The following KHDRBS2 variants were observed in gnomAD, a reference collection of about 807,000 sequenced individuals.
KHDRBS2 encodes the protein KH domain-containing, RNA-binding, signal transduction-associated protein 2.
Under a neutral mutation model 44.3 loss-of-function variants are expected in KHDRBS2, and 26 were observed. That is an observed-to-expected ratio of 0.59 (90% confidence interval 0.43 to 0.81). The LOEUF (loss-of-function observed/expected upper bound fraction) is 0.81. Ranked by LOEUF, KHDRBS2 falls within the 40% of genes least tolerant of loss-of-function variation. The probability of loss-of-function intolerance (pLI) is 0.00; values close to 1 mark genes in which losing one functional copy is unlikely to be tolerated. For missense variants in KHDRBS2, 476 were observed against 433.1 expected (o/e 1.10, Z -0.88); for synonymous variants, 194 against 151.1 (o/e 1.28, Z -2.08).
chr6:61,756,753 C>T (rs1778551048), intron 6 of KHDRBS2, among the ~76,000 whole-genome samples: 1 of 152,214 alleles, frequency 6.6e-6, no homozygotes, highest in Non-Finnish European at 1.5e-5. Flanking sequence ...TAGGTGCAAA[C>T]TAGTGTGTAG....
At chr6:61,936,030 T>C (rs1198016612) in intron 4 of KHDRBS2, among the ~76,000 whole-genome samples, 1 of 152,114 alleles carries the variant, frequency 6.6e-6, no homozygotes, top group Non-Finnish European at 1.5e-5. Flanking sequence ...TCTATCTCTA[T>C]TCTATCATCT....
chr6:62,142,657 C>T (rs921159267), intron 2 of KHDRBS2, among the ~76,000 whole-genome samples: 2 of 151,876 alleles, frequency 1.3e-5, no homozygotes, highest in Admixed American at 1.3e-4. Flanking sequence ...TACTTTAAGT[C>T]CCGATGAATA....
chr6:62,282,102 A>G (rs1841888767), intron 1 of KHDRBS2, among the ~76,000 whole-genome samples: 1 of 152,178 alleles, frequency 6.6e-6, no homozygotes, highest in Non-Finnish European at 1.5e-5. Flanking sequence ...AACTTTCCTT[A>G]ATTAAAAAAC....
rs187049079 is a variant in KHDRBS2 at position 62,005,858 on chromosome 6, T to C, written c.337-27646A>G. ...AAAATAGCAAAACCAGTAAAATATATAAAATTCAATAGATTAACCAATCTT... is the reference window on the plus strand; with the variant it reads ...AAAATAGCAAAACCAGTAAAATATACAAAATTCAATAGATTAACCAATCTT... On this transcript the variant is annotated intron_variant, in intron 3 of 8. Coordinates refer to ENST00000281156, the MANE Select transcript of KHDRBS2 (RefSeq NM_152688.4). Among the ~76,000 whole-genome samples, 16 of 151,890 alleles carry C rather than the reference T, an allele frequency of 1.1e-4. No homozygotes were observed. In the East Asian group the frequency reaches 1.2e-3, roughly 11 times the overall value.
chr6:61,835,847 G>T (rs1261994717), intron 6 of KHDRBS2, among the ~76,000 whole-genome samples: 3 of 151,634 alleles, frequency 2.0e-5, no homozygotes, highest in Non-Finnish European at 4.4e-5. Flanking sequence ...TCTTATTAAT[G>T]AATTACCTAA....
chr6:61,719,917 A>G (rs534740486), intron 7 of KHDRBS2, among the ~76,000 whole-genome samples: 2 of 151,960 alleles, frequency 1.3e-5, no homozygotes, highest in Non-Finnish European at 1.5e-5. Context: ...TCCCAGTGCT[A>G]TGCCTCCCGC....
intron 6 of KHDRBS2, among the ~76,000 whole-genome samples, chr6:61,786,508 C>G (rs1479530169): frequency 6.6e-6 from 1 of 151,876 alleles, no homozygotes; most frequent in Admixed American, 6.6e-5. Flanking sequence ...AAAGATCAAA[C>G]AATCTGCTAA....
At chr6:61,747,388 T>C (rs1269794983) in intron 6 of KHDRBS2, among the ~76,000 whole-genome samples, 1 of 152,234 alleles carries the variant, frequency 6.6e-6, no homozygotes, top group Non-Finnish European at 1.5e-5. Flanking sequence ...AAGAGCACGA[T>C]GACATGATGC....
At chr6:62,192,799 A>T (rs1258249294) in intron 1 of KHDRBS2, among the ~76,000 whole-genome samples, 2 of 152,114 alleles carry the variant, frequency 1.3e-5, no homozygotes, top group Non-Finnish European at 2.9e-5. Flanking sequence ...TACTGTGTAT[A>T]AATTATTGGG....
chr6:62,087,496 A>T (rs1584612343), intron 2 of KHDRBS2, among the ~76,000 whole-genome samples: 1 of 152,266 alleles, frequency 6.6e-6, no homozygotes, highest in Admixed American at 6.5e-5. Context: ...AAAAAGAAAT[A>T]AAAAAAGATA....
At chr6:62,056,890 C>A (rs1478563564) in intron 2 of KHDRBS2, among the ~76,000 whole-genome samples, 1 of 151,944 alleles carries the variant, frequency 6.6e-6, no homozygotes, top group Non-Finnish European at 1.5e-5. Flanking sequence ...TGCCTTGATT[C>A]TTGCGACACA....
chr6:62,055,485 G>A (rs536839335), intron 2 of KHDRBS2, among the ~76,000 whole-genome samples: 1 of 152,128 alleles, frequency 6.6e-6, no homozygotes, highest in East Asian at 1.9e-4. Context: ...ACCTGTGGGA[G>A]TGTAAATGAA....
At chr6:61,920,590 G>T (rs1434734294) in intron 4 of KHDRBS2, among the ~76,000 whole-genome samples, 1 of 151,834 alleles carries the variant, frequency 6.6e-6, no homozygotes, top group Non-Finnish European at 1.5e-5. Flanking sequence ...GAGAATCTTT[G>T]GACTACAACA....
At chr6:62,082,497 T>C (rs1259487357) in intron 2 of KHDRBS2, among the ~76,000 whole-genome samples, 1 of 152,120 alleles carries the variant, frequency 6.6e-6, no homozygotes, top group Non-Finnish European at 1.5e-5. Flanking sequence ...TCCCTCCATA[T>C]TATGTGCTAG....
At chr6:61,642,492 T>TA in the KHDRBS2 span, among the ~76,000 whole-genome samples, 2 of 63,042 alleles carry the variant, frequency 3.2e-5, no homozygotes, top group Non-Finnish European at 3.6e-5. Flanking sequence ...TCTGTTTCTA[T>TA]ATTAAAAAAA....
At chr6:62,014,780 A>G in intron 3 of KHDRBS2, among the ~76,000 whole-genome samples, 1 of 152,178 alleles carries the variant, frequency 6.6e-6, no homozygotes, top group East Asian at 1.9e-4. Context: ...CATACAGCAC[A>G]TGAAATATTT....
At chr6:61,802,374 T>A (rs1786420382) in intron 6 of KHDRBS2, among the ~76,000 whole-genome samples, 1 of 152,168 alleles carries the variant, frequency 6.6e-6, no homozygotes, top group South Asian at 2.1e-4. Flanking sequence ...CTCTCAATCA[T>A]ATAAATTGGT....
intron 1 of KHDRBS2, among the ~76,000 whole-genome samples, chr6:62,261,943 T>C (rs1165043911): frequency 1.3e-5 from 2 of 151,786 alleles, no homozygotes; most frequent in Admixed American, 1.3e-4. Flanking sequence ...TAGTTTTCAT[T>C]TGTGGCATTA....
At chr6:61,654,310 A>C in the KHDRBS2 span, among the ~76,000 whole-genome samples, 1 of 151,988 alleles carries the variant, frequency 6.6e-6, no homozygotes, top group Admixed American at 6.6e-5. Flanking sequence ...AGAAACATAG[A>C]AAAATACTTT....
Sources: gnomAD v4.1 joint callset for allele counts (sites outside exome capture counted in the v4.1 genomes callset) on GRCh38, gnomAD v4.1.1 for gene constraint, MANE v1.5 for transcripts, NCBI Gene and HGNC (gene_info 2026-07-23, HGNC 2026-07-21) for gene names.